ZNF385B: variants seen among roughly 807,000 people sequenced by gnomAD.
ZNF385B encodes zinc finger protein 533.
ZNF385B carries 23 observed loss-of-function variants against 39.2 expected under a neutral mutation model. That is an observed-to-expected ratio of 0.59 (90% CI 0.42 to 0.83). ZNF385B has a LOEUF of 0.83. Among genes scored for constraint, ZNF385B ranks in the 40% least tolerant of loss-of-function variants. ZNF385B has a pLI of 0.00. For synonymous variants in ZNF385B, 205 were observed against 222.6 expected (o/e 0.92, Z 0.70); for missense variants, 552 against 598.9 (o/e 0.92, Z 0.82).
chr2:179,702,684 C>T (rs1016453566), intron 3 of ZNF385B, among the ~76,000 whole-genome samples: 1 of 152,080 alleles, frequency 6.6e-6, no homozygotes, highest in Non-Finnish European at 1.5e-5. Flanking sequence ...ACCACATAAA[C>T]AAAAACAAAA....
At position 179,795,198 on chromosome 2, in the gene ZNF385B, C is replaced by T. The variant is rs1239009207; in HGVS notation, c.-154-24526G>A. 3.3e-5 allele frequency among the ~76,000 whole-genome samples: 5 copies of T among 151,478 alleles called. No individual in the cohort carries two copies. In the East Asian group the frequency reaches 5.8e-4, roughly 18 times the overall value. ...GAAAGTTCTCAGAAGAAGGAGGTGCCGAAGGGATGTCAAATATAGTAGGTA... is the reference window on the plus strand; with the variant it reads ...GAAAGTTCTCAGAAGAAGGAGGTGCTGAAGGGATGTCAAATATAGTAGGTA... On this transcript the variant is annotated intron_variant, in intron 1 of 9. Transcript: ENST00000410066.
chr2:179,628,098 T>G (rs1457310945), intron 3 of ZNF385B, among the ~76,000 whole-genome samples: 2 of 152,312 alleles, frequency 1.3e-5, no homozygotes, highest in South Asian at 4.1e-4. Context: ...TCATTTTATT[T>G]GTAAATACAT....
At chr2:179,836,390 G>A (rs1708245618) in intron 1 of ZNF385B, among the ~76,000 whole-genome samples, 1 of 152,046 alleles carries the variant, frequency 6.6e-6, no homozygotes, top group African/African-American at 2.4e-5. Context: ...TGCTTCTACT[G>A]GAATATTTGC....
At chr2:179,490,506 C>G (rs369800215) in intron 5 of ZNF385B, among the ~76,000 whole-genome samples, 10 of 151,812 alleles carry the variant, frequency 6.6e-5, no homozygotes, top group Non-Finnish European at 2.9e-5. Context: ...GGTGGAATTA[C>G]TTACACACAG....
intron 6 of ZNF385B, among the ~76,000 whole-genome samples, chr2:179,472,895 C>T (rs2052946800): frequency 6.6e-6 from 1 of 152,114 alleles, no homozygotes; most frequent in South Asian, 2.1e-4. Flanking sequence ...TATGGCTGTA[C>T]ATACAGCAAC....
intron 1 of ZNF385B, among the ~76,000 whole-genome samples, chr2:179,830,358 T>C (rs974377613): frequency 1.3e-4 from 20 of 152,346 alleles, no homozygotes; most frequent in Middle Eastern, 6.8e-3. Context: ...ATGGGATCCA[T>C]CAATTGCACT....
chr2:179,450,707 C>A (rs1018050455), intron 6 of ZNF385B, among the ~76,000 whole-genome samples: 1 of 152,026 alleles, frequency 6.6e-6, no homozygotes, highest in African/African-American at 2.4e-5. Flanking sequence ...CCTCAGGGAT[C>A]TAGAACTAGA....
intron 3 of ZNF385B, among the ~76,000 whole-genome samples, chr2:179,724,207 G>A (rs1700865004): frequency 6.6e-6 from 1 of 152,136 alleles, no homozygotes; most frequent in Admixed American, 6.5e-5. Context: ...TACTTAGGAG[G>A]CCAAGGCAGG....
chr2:179,745,047 G>T (rs1297935892), intron 3 of ZNF385B, among the ~76,000 whole-genome samples: 1 of 152,026 alleles, frequency 6.6e-6, no homozygotes, highest in African/African-American at 2.4e-5. Flanking sequence ...ATATTTAAAT[G>T]ATACAATCTG....
At chr2:179,769,351 AG>A in intron 3 of ZNF385B, 151 bp downstream of exon 3, 1 of 1,235,918 alleles carries the variant, frequency 8.1e-7, no homozygotes, top group Non-Finnish European at 1.1e-6. Context: ...GGTGACAAAC[AG>A]CTCATGTATT....
At chr2:179,691,484 G>A (rs1698349010) in intron 3 of ZNF385B, among the ~76,000 whole-genome samples, 1 of 152,160 alleles carries the variant, frequency 6.6e-6, no homozygotes, top group Non-Finnish European at 1.5e-5. Flanking sequence ...TTTACCAAAT[G>A]CTATGAGTGA....
chr2:179,762,128 C>T (rs926465885), intron 3 of ZNF385B, among the ~76,000 whole-genome samples: 2 of 152,060 alleles, frequency 1.3e-5, no homozygotes, highest in Admixed American at 1.3e-4. Context: ...GTTTTTACTG[C>T]ATTAATGGAT....
chr2:179,501,590 G>C (rs770468793), intron 5 of ZNF385B, among the ~76,000 whole-genome samples: 1 of 152,046 alleles, frequency 6.6e-6, no homozygotes. Context: ...GAAGGGTAGC[G>C]GGGAGCTGGG....
At chr2:179,719,786 T>C (rs1377459881) in intron 3 of ZNF385B, among the ~76,000 whole-genome samples, 2 of 152,180 alleles carry the variant, frequency 1.3e-5, no homozygotes, top group African/African-American at 4.8e-5. Flanking sequence ...TTTTAAGAAA[T>C]GAGATCTCAC....
At chr2:179,828,818 T>C (rs1707819486) in intron 1 of ZNF385B, among the ~76,000 whole-genome samples, 1 of 152,218 alleles carries the variant, frequency 6.6e-6, no homozygotes, top group Non-Finnish European at 1.5e-5. Flanking sequence ...GCCTGGGCCC[T>C]GTGCCTAGAA....
chr2:179,649,046 T>C (rs1441673618), intron 3 of ZNF385B, among the ~76,000 whole-genome samples: 2 of 152,184 alleles, frequency 1.3e-5, no homozygotes, highest in Non-Finnish European at 2.9e-5. Context: ...AAATTAAAAT[T>C]ACCTGAGATC....
At chr2:179,541,459 A>G (rs1281466323) in intron 4 of ZNF385B, among the ~76,000 whole-genome samples, 1 of 152,212 alleles carries the variant, frequency 6.6e-6, no homozygotes, top group Non-Finnish European at 1.5e-5. Flanking sequence ...CTACTTAAAG[A>G]GAATAACAAA....
intron 3 of ZNF385B, among the ~76,000 whole-genome samples, chr2:179,580,146 C>T (rs559030982): frequency 1.3e-5 from 2 of 152,220 alleles, no homozygotes; most frequent in African/African-American, 4.8e-5. Flanking sequence ...ATCATTTTCA[C>T]CAAATTACCA....
At chr2:179,485,611 T>G (rs1256889544) in intron 5 of ZNF385B, among the ~76,000 whole-genome samples, 1 of 152,192 alleles carries the variant, frequency 6.6e-6, no homozygotes, top group African/African-American at 2.4e-5. Context: ...ATGCCAAATA[T>G]TATAGATGAT....
Sources: gnomAD v4.1 joint callset for allele counts (sites outside exome capture counted in the v4.1 genomes callset) on GRCh38, gnomAD v4.1.1 for gene constraint, MANE v1.5 for transcripts, NCBI Gene and HGNC (gene_info 2026-07-23, HGNC 2026-07-21) for gene names.